The following FHIP1A variants were observed in gnomAD, a reference collection of about 807,000 sequenced individuals.
FHIP1A encodes the protein FHF complex subunit HOOK-interacting protein 1A.
Under a neutral mutation model 88.6 loss-of-function variants are expected in FHIP1A, and 61 were observed. That is an observed-to-expected ratio of 0.69 (90% CI 0.56 to 0.85). The LOEUF is 0.85. FHIP1A is among the 40% of genes least tolerant of loss of function. FHIP1A has a pLI of 0.00. For missense variants in FHIP1A, 1,154 were observed against 1,273.5 expected (o/e 0.91, Z 1.43); for synonymous variants, 478 against 496.0 (o/e 0.96, Z 0.48).
At chr4:151,654,728 C>G (rs763658132) in intron 11 of FHIP1A, among the ~76,000 whole-genome samples, 2 of 152,042 alleles carry the variant, frequency 1.3e-5, no homozygotes, top group Non-Finnish European at 2.9e-5. Context: ...AACTGGGGTC[C>G]CTATCCAGAG....
chr4:151,609,405 T>C (rs1421401833), intron 7 of FHIP1A, among the ~76,000 whole-genome samples: 3 of 152,200 alleles, frequency 2.0e-5, no homozygotes, highest in Non-Finnish European at 4.4e-5. Context: ...TAGATCTATA[T>C]ACAAATATGC....
At position 151,566,270 on chromosome 4, in the gene FHIP1A, C is replaced by A; in HGVS notation, c.11C>A (p.Ser4Ter). MMS[S>*]VSTESKLQQA... ...GATTTATGAAGGCTTATGATGTCAT[C>A]GGTTTCGACAGAAAGCAAACTCCAG... The change falls in exon 4 of 14, where the codon TCG (serine) becomes TAG (stop). Residue 4 changes from serine (S) to a stop codon, truncating the protein, a stop_gained. Coordinates refer to ENST00000435205, the MANE Select transcript of FHIP1A (RefSeq NM_001109977.3). LOFTEE classifies it high-confidence loss of function. The A allele has an allele frequency of 6.5e-7, 1 of 1,547,882 alleles. No individual in the cohort carries two copies. Among genetic ancestry groups the A allele is most frequent in the Non-Finnish European group, 8.7e-7 (1 of 1,144,024 alleles).
intron 3 of FHIP1A, among the ~76,000 whole-genome samples, chr4:151,549,893 G>C: frequency 6.6e-6 from 1 of 152,120 alleles, no homozygotes; most frequent in East Asian, 1.9e-4. Context: ...TTGAAAGAGA[G>C]ATGAGTATGT....
In FHIP1A at chr4:151,508,946, C is replaced by A. The variant is rs187511817; in HGVS notation, c.-123+26298C>A. Among the ~76,000 whole-genome samples, 390 of 152,242 alleles carry A rather than the reference C, an allele frequency of 2.6e-3. 4 individuals carry two copies. The highest frequency in any genetic ancestry group is 8.8e-3 in the African/African-American group (364 of 41,552). On this transcript the variant is annotated intron_variant, in intron 3 of 13. Transcript: ENST00000435205. ...TCCCCTCCCAAAAAATCTAGGAAAC[C>A]CTTAAAACAACAGTTTTTCCTCCTT...
chr4:151,451,721 A>G (rs1023096053), intron 1 of FHIP1A, among the ~76,000 whole-genome samples: 1 of 151,710 alleles, frequency 6.6e-6, no homozygotes, highest in African/African-American at 2.4e-5. Flanking sequence ...TTTCCAGTAA[A>G]TTTTTTTCAA....
intron 1 of FHIP1A, among the ~76,000 whole-genome samples, chr4:151,443,010 G>C (rs1031512160): frequency 6.6e-6 from 1 of 152,108 alleles, no homozygotes; most frequent in East Asian, 1.9e-4. Flanking sequence ...TATAGCGCTG[G>C]CACTTTGGGA....
intron 1 of FHIP1A, among the ~76,000 whole-genome samples, chr4:151,443,357 A>G (rs1580570497): frequency 6.6e-6 from 1 of 151,816 alleles, no homozygotes; most frequent in Non-Finnish European, 1.5e-5. Flanking sequence ...TTGCTCTGTC[A>G]CCCAGGCTGG....
chr4:151,466,611 C>G (rs1014320851), intron 2 of FHIP1A, among the ~76,000 whole-genome samples: 7 of 152,070 alleles, frequency 4.6e-5, no homozygotes, highest in African/African-American at 1.4e-4. Context: ...CAAAACAGCA[C>G]TGTACTGGTA....
chr4:151,553,751 T>A (rs1043068410), intron 3 of FHIP1A, among the ~76,000 whole-genome samples: 2 of 152,214 alleles, frequency 1.3e-5, no homozygotes, highest in Non-Finnish European at 2.9e-5. Context: ...TTTCCAATCT[T>A]TTAATCTCTC....
chr4:151,517,843 G>A (rs1235711090), intron 3 of FHIP1A, among the ~76,000 whole-genome samples: 1 of 151,834 alleles, frequency 6.6e-6, no homozygotes, highest in East Asian at 1.9e-4. Context: ...ATAGAATAAG[G>A]ATATAAATAA....
rs369686946 is a variant in FHIP1A at position 151,560,563 on chromosome 4, C to A, written c.-122-5575C>A. 1.4e-4 allele frequency among the ~76,000 whole-genome samples: 21 copies of A among 152,146 alleles called. 1 individual carries two copies. The highest frequency in any genetic ancestry group is 9.8e-4 in the Admixed American group (15 of 15,260). Reference sequence around the variant, plus strand: ...GTCAGATCATTTTTTTCTGCGTTTACCTTAGTCAACTTTTAGGGTTTTGTG... The same window carrying A: ...GTCAGATCATTTTTTTCTGCGTTTAACTTAGTCAACTTTTAGGGTTTTGTG... On this transcript the variant is annotated intron_variant, in intron 3 of 13. Coordinates refer to ENST00000435205, the MANE Select transcript of FHIP1A (RefSeq NM_001109977.3).
At chr4:151,584,324 A>G (rs1734128401) in intron 5 of FHIP1A, among the ~76,000 whole-genome samples, 1 of 152,202 alleles carries the variant, frequency 6.6e-6, no homozygotes, top group Non-Finnish European at 1.5e-5. Flanking sequence ...AAGATAGGCA[A>G]TACACTAATA....
intron 1 of FHIP1A, among the ~76,000 whole-genome samples, chr4:151,418,202 A>G (rs112038224): frequency 2.4e-4 from 36 of 149,276 alleles, no homozygotes; most frequent in Non-Finnish European, 3.7e-4. Flanking sequence ...AAAACAAGAG[A>G]AACTCTGACA....
intron 5 of FHIP1A, among the ~76,000 whole-genome samples, chr4:151,580,998 C>T (rs926913138): frequency 6.6e-6 from 1 of 152,188 alleles, no homozygotes; most frequent in African/African-American, 2.4e-5. Context: ...GCTGGGACTA[C>T]AGGCGTGTGC....
chr4:151,582,677 T>A (rs1238153342), intron 5 of FHIP1A, among the ~76,000 whole-genome samples: 1 of 152,096 alleles, frequency 6.6e-6, no homozygotes, highest in African/African-American at 2.4e-5. Flanking sequence ...TGAGGGAAAA[T>A]AAGTGAAAAA....
intron 3 of FHIP1A, among the ~76,000 whole-genome samples, chr4:151,485,362 G>A (rs1435837958): frequency 7.3e-6 from 1 of 136,718 alleles, no homozygotes; most frequent in Admixed American, 7.8e-5. Context: ...GTTTGGTCGT[G>A]TTTTCCATTT....
At chr4:151,518,337 A>G (rs1406079731) in intron 3 of FHIP1A, among the ~76,000 whole-genome samples, 1 of 152,180 alleles carries the variant, frequency 6.6e-6, no homozygotes, top group East Asian at 1.9e-4. Context: ...TGTGTAGTAT[A>G]CTGTACTATC....
At chr4:151,514,971 T>C (rs924105798) in intron 3 of FHIP1A, among the ~76,000 whole-genome samples, 4 of 152,274 alleles carry the variant, frequency 2.6e-5, no homozygotes, top group African/African-American at 7.2e-5. Context: ...AGCATCAACC[T>C]GATACCAAAG....
At chr4:151,545,284 C>T (rs577226001) in intron 3 of FHIP1A, among the ~76,000 whole-genome samples, 1 of 150,048 alleles carries the variant, frequency 6.7e-6, no homozygotes, top group Admixed American at 6.7e-5. Context: ...AGTTTCAAGG[C>T]AGAACATACA....
Sources: gnomAD v4.1 joint callset for allele counts (sites outside exome capture counted in the v4.1 genomes callset) on GRCh38, gnomAD v4.1.1 for gene constraint, MANE v1.5 for transcripts, NCBI Gene and HGNC (gene_info 2026-07-23, HGNC 2026-07-21) for gene names.